The following POTEB3 variants were observed in gnomAD, a reference collection of about 807,000 sequenced individuals.
POTEB3 encodes the protein ANKRD26-like family B member 1.
POTEB3 carries 5 observed loss-of-function variants against 39.8 expected under a neutral mutation model. That is an observed-to-expected ratio of 0.13 (90% CI 0.07 to 0.26). The LOEUF is 0.26. POTEB3 is among the 10% of genes least tolerant of loss of function. POTEB3 has a pLI of 1.00. For synonymous variants in POTEB3, 5 were observed against 161.5 expected, an observed-to-expected ratio of 0.03 and a Z score of 7.35; for missense variants, 24 against 475.6, an observed-to-expected ratio of 0.05 and a Z score of 8.83.
intron 6 of POTEB3, among the ~76,000 whole-genome samples, chr15:21,424,405 CT>C (rs1898594517): frequency 1.3e-5 from 1 of 77,544 alleles, no homozygotes; most frequent in Non-Finnish European, 2.6e-5. Flanking sequence ...AGTACTCGCT[CT>C]CAAGTTTAAG....
chr15:21,436,326 A>AG (rs1269362277), intron 1 of POTEB3, among the ~76,000 whole-genome samples: 5 of 112,450 alleles, frequency 4.4e-5, no homozygotes, highest in Non-Finnish European at 1.0e-4. Flanking sequence ...GATAGGCCCC[A>AG]GTGTGTGTTG....
Position 21,405,475 on chromosome 15 carries a change from C to T in POTEB3, c.*3508G>A, listed in dbSNP as rs1898213763. Among the ~76,000 whole-genome samples, 1 of 127,912 alleles carries T rather than the reference C, an allele frequency of 7.8e-6. No homozygotes were observed. The highest frequency in any genetic ancestry group is 2.3e-4 in the South Asian group (1 of 4,380). 83.9% of individuals were successfully genotyped at this position (127,912 alleles called of 152,430 possible). On this transcript the variant is annotated 3_prime_UTR_variant, in exon 11 of 11. Coordinates refer to ENST00000611217, the MANE Select transcript of POTEB3 (RefSeq NM_207355.5). ...TGTGTCTTTCAATTGGAGCATTTAGCCCATTTCCATTTAAGGTTAGTAATG... is the reference window on the plus strand; with the variant it reads ...TGTGTCTTTCAATTGGAGCATTTAGTCCATTTCCATTTAAGGTTAGTAATG...
intron 3 of POTEB3, among the ~76,000 whole-genome samples, chr15:21,434,058 C>A (rs1412427534): frequency 1.4e-3 from 134 of 97,666 alleles, no homozygotes; most frequent in African/African-American, 7.0e-3. Context: ...CACACACACA[C>A]ACACACAAAC....
At chr15:21,433,217 A>C (rs1899045468) in intron 3 of POTEB3, among the ~76,000 whole-genome samples, 1 of 151,348 alleles carries the variant, frequency 6.6e-6, no homozygotes, top group African/African-American at 2.4e-5. Context: ...TTCTGTATTC[A>C]GTGGTTAAGC....
chr15:21,419,472 C>G lies in POTEB3; in HGVS notation c.1401G>C (p.Glu467Asp). 1.3e-6 allele frequency: 1 copy of G among 767,098 alleles called. No individual in the cohort carries two copies. Among genetic ancestry groups the G allele is most frequent in the South Asian group, 1.8e-5 (1 of 56,642 alleles). 47.5% of individuals were successfully genotyped at this position (767,098 alleles called of 1,614,324 possible). ...ATCTCCTATAGGCTTACCTGTGATA[C>G]TCTTCATTCTCAGTGTCAGGAAATT... ...NQQFPDTENE[E>D]YHSDEQNDTQ... The change falls in exon 9 of 11, where the codon GAG (glutamate) becomes GAC (aspartate). Residue 467 changes from glutamate (E) to aspartate (D), a missense_variant. By Grantham distance (45) the Glu-to-Asp change is conservative (BLOSUM62 2). Coordinates refer to ENST00000611217, the MANE Select transcript of POTEB3 (RefSeq NM_207355.5).
intron 6 of POTEB3, chr15:21,426,118 C>T (rs1898691463): frequency 2.4e-6 from 1 of 418,878 alleles, no homozygotes; most frequent in East Asian, 7.2e-5. Context: ...CTGCAAAGTT[C>T]ACTCGGCATC....
chr15:21,435,031 T>C lies in POTEB3; in HGVS notation c.599A>G (p.Asn200Ser). 1.2e-3 allele frequency: 1 copy of C among 824 alleles called. No individual in the cohort carries two copies. The highest frequency in any genetic ancestry group is 6.6e-3 in the South Asian group (1 of 152). The allele number at this position is 824 out of a possible 1,614,324, so 0.1% of individuals were successfully genotyped here. ...TGTCCTTTTTTTGTTGTCAAGGACG[T>C]TAAGTTGACATCGTCTGTCCAGCAG... ...QLLLDRRCQLNVLDNKKRTAL... is the reference protein window; with the variant it reads ...QLLLDRRCQLSVLDNKKRTAL... The change falls in exon 2 of 11, where the codon AAC becomes AGC. Residue 200 changes from asparagine (N) to serine (S), a missense_variant. Coordinates refer to ENST00000611217, the MANE Select transcript of POTEB3 (RefSeq NM_207355.5).
chr15:21,409,823 T>C (rs1898287118), intron 10 of POTEB3, among the ~76,000 whole-genome samples: 2 of 106,444 alleles, frequency 1.9e-5, no homozygotes, highest in Middle Eastern at 4.3e-3. Context: ...AAAAAATATA[T>C]GCAGCCAGGA....
intron 9 of POTEB3, among the ~76,000 whole-genome samples, chr15:21,414,158 AAG>A (rs1164993475): frequency 1.2e-5 from 1 of 80,488 alleles, no homozygotes; most frequent in African/African-American, 1.3e-4. Context: ...GGAATTTAAA[AAG>A]AGAGTATCAC....
chr15:21,412,862 TA>T (rs1242143986), intron 9 of POTEB3, among the ~76,000 whole-genome samples: 1 of 57,060 alleles, frequency 1.8e-5, no homozygotes, highest in Non-Finnish European at 3.0e-5. Flanking sequence ...AATAAATAAA[TA>T]AATAAATAAA....
chr15:21,434,064 C>CAAAA (rs1223147084), intron 3 of POTEB3, among the ~76,000 whole-genome samples: 2 of 100,118 alleles, frequency 2.0e-5, no homozygotes, highest in African/African-American at 9.7e-5. Context: ...CACACACACA[C>CAAAA]AAACAAAAAC....
intron 3 of POTEB3, among the ~76,000 whole-genome samples, chr15:21,433,540 A>C (rs1899060470): frequency 6.6e-6 from 1 of 150,684 alleles, no homozygotes; most frequent in Non-Finnish European, 1.5e-5. Flanking sequence ...GCAATAGACA[A>C]TTATTTCAGT....
intron 3 of POTEB3, among the ~76,000 whole-genome samples, chr15:21,434,030 A>AACAC (rs60010729): frequency 0.019 from 2,216 of 118,896 alleles, 30 homozygotes; most frequent in African/African-American, 0.045. Flanking sequence ...CAACAATAAC[A>AACAC]ACACACACAC....
chr15:21,430,996 C>T (rs1466397498), intron 4 of POTEB3, among the ~76,000 whole-genome samples: 2 of 151,200 alleles, frequency 1.3e-5, no homozygotes, highest in East Asian at 3.9e-4. Context: ...ATCACGTTCC[C>T]AATGTCACAC....
At chr15:21,430,753 G>A (rs1327797272) in intron 4 of POTEB3, among the ~76,000 whole-genome samples, 1 of 151,340 alleles carries the variant, frequency 6.6e-6, no homozygotes, top group Admixed American at 6.6e-5. Context: ...CTGATATGCT[G>A]TGATAGAAAA....
In POTEB3 at chr15:21,431,765, A is replaced by AT; in HGVS notation, c.890dup (p.Asn297LysfsTer6). 1 of 1,565,392 alleles carries AT rather than the reference A, an allele frequency of 6.4e-7. No individual in the cohort carries two copies. Among genetic ancestry groups the AT allele is most frequent in the Non-Finnish European group, 8.7e-7 (1 of 1,147,696 alleles). ...TTCCATATCTATCAAGTGCATTTAAATTAGCTTTTTTCTTGATTAAAAATT... is the reference window on the plus strand; with the variant it reads ...TTCCATATCTATCAAGTGCATTTAAATTTAGCTTTTTTCTTGATTAAAAATT... On this transcript the variant is annotated frameshift_variant, in exon 4 of 11. Coordinates refer to ENST00000611217, the MANE Select transcript of POTEB3 (RefSeq NM_207355.5). LOFTEE classifies it high-confidence loss of function.
At chr15:21,414,302 A>G (rs1898372050) in intron 9 of POTEB3, among the ~76,000 whole-genome samples, 2 of 120,378 alleles carry the variant, frequency 1.7e-5, no homozygotes, top group South Asian at 4.4e-4. Context: ...TAAATTATAC[A>G]GAGAAATATG....
chr15:21,423,522 T>C (rs1390140107), intron 6 of POTEB3, among the ~76,000 whole-genome samples: 19 of 7,494 alleles, frequency 2.5e-3, no homozygotes, highest in African/African-American at 9.2e-3. Flanking sequence ...CTACTGCACC[T>C]TTACCACCTG....
chr15:21,424,971 A>T lies in POTEB3; in HGVS notation c.1126+2714T>A. On this transcript the variant is annotated intron_variant, in intron 6 of 10. Coordinates refer to ENST00000611217, the MANE Select transcript of POTEB3 (RefSeq NM_207355.5). ...TCACATGAAAAAAATTAAGCAAAACAAATGAAAAAAGCATAACACCAAAAA... is the reference window on the plus strand; with the variant it reads ...TCACATGAAAAAAATTAAGCAAAACTAATGAAAAAAGCATAACACCAAAAA... 1.4e-5 allele frequency: 2 copies of T among 148,096 alleles called. 1 individual carries two copies. The highest frequency in any genetic ancestry group is 3.0e-5 in the Non-Finnish European group (2 of 66,558). 9.2% of individuals were successfully genotyped at this position (148,096 alleles called of 1,614,324 possible).
Sources: gnomAD v4.1 joint callset for allele counts (sites outside exome capture counted in the v4.1 genomes callset) on GRCh38, gnomAD v4.1.1 for gene constraint, MANE v1.5 for transcripts, NCBI Gene and HGNC (gene_info 2026-07-23, HGNC 2026-07-21) for gene names.